PKD2: variants seen among roughly 807,000 people sequenced by gnomAD.
The protein encoded by PKD2 is polycystin 2, transient receptor potential cation channel, also known as polycystin-2.
PKD2 carries 48 observed loss-of-function variants against 105.9 expected under a neutral mutation model. The ratio of observed to expected loss-of-function variants is 0.45; its 90% confidence interval spans 0.36 to 0.58. PKD2 has a LOEUF of 0.58. Ranked by LOEUF, PKD2 falls within the 20% of genes least tolerant of loss-of-function variation. The pLI is 0.00. For synonymous variants in PKD2, 464 were observed against 481.1 expected (o/e 0.96, Z 0.46); for missense variants, 1,078 against 1,255.3 (o/e 0.86, Z 2.13).
At chr4:88,014,239 G>A (rs1726485367) in intron 1 of PKD2, among the ~76,000 whole-genome samples, 3 of 152,250 alleles carry the variant, frequency 2.0e-5, no homozygotes. Flanking sequence ...GAGATTTCCA[G>A]AGAAAGAAAA....
At chr4:88,055,058 G>A (rs1392436427) in intron 7 of PKD2, among the ~76,000 whole-genome samples, 3 of 152,166 alleles carry the variant, frequency 2.0e-5, no homozygotes, top group Non-Finnish European at 2.9e-5. Context: ...CTACCAACAT[G>A]CTCAATATGG....
chr4:88,065,723 A>C (rs771789232), intron 11 of PKD2, 39 bp from the exon 12 acceptor site: 1 of 1,454,092 alleles, frequency 6.9e-7, no homozygotes, highest in African/African-American at 1.4e-5. Flanking sequence ...AACTGGGTAC[A>C]AGGAATGATT....
In PKD2 at chr4:88,038,393, G is replaced by T. The variant is rs1388722678; in HGVS notation, c.986G>T (p.Gly329Val). The change falls in exon 4 of 15, where the codon GGA becomes GTA. Residue 329 changes from glycine to valine, a missense_variant. Physicochemically the swap from Gly to Val is moderately radical, Grantham distance 109. Around this residue, in one of 2 missense-constraint regions of PKD2, gnomAD observed 868 missense variants for 1,067.3 expected, o/e 0.81. Coordinates refer to ENST00000237596, the MANE Select transcript of PKD2 (RefSeq NM_000297.4). ...ATACGGCAACTCCGAGTCAGAAATG[G>T]ATCCTGCTCTATCCCCCAGGACTTG... The part of the protein sequence containing the change: ...PRIRQLRVRN[G>V]SCSIPQDLRD... The T allele has an allele frequency of 6.2e-7, 1 of 1,613,804 alleles. No homozygotes were observed.
In PKD2 at chr4:88,036,211, G is replaced by C. The variant is rs369274147; in HGVS notation, c.710-9G>C. The C allele has an allele frequency of 6.2e-7, 1 of 1,613,774 alleles. No homozygotes were observed. Among genetic ancestry groups the C allele is most frequent in the African/African-American group, 1.3e-5 (1 of 75,012 alleles). ...TTGGGGCGTTCATTTGGATCTTTCT[G>C]TGTTCCAGTGACCTACGGCATGATG... On this transcript the variant is annotated splice_polypyrimidine_tract_variant and intron_variant, in intron 2 of 14. Transcript: ENST00000237596.
intron 6 of PKD2, among the ~76,000 whole-genome samples, chr4:88,051,062 A>G (rs1169268232): frequency 1.3e-5 from 2 of 152,204 alleles, no homozygotes; most frequent in Admixed American, 6.5e-5. Flanking sequence ...TGTTATGACT[A>G]ACCCCTAGCA....
At chr4:88,074,440 C>G (rs542262622) in intron 13 of PKD2, among the ~76,000 whole-genome samples, 1 of 152,284 alleles carries the variant, frequency 6.6e-6, no homozygotes, top group Non-Finnish European at 1.5e-5. Context: ...GCCCTACCCC[C>G]CCATCAATTG....
chr4:88,015,895 G>T (rs991149586), intron 1 of PKD2, among the ~76,000 whole-genome samples: 2 of 152,164 alleles, frequency 1.3e-5, no homozygotes, highest in Admixed American at 6.5e-5. Flanking sequence ...GTTTAGATCA[G>T]CAGTCCCCAA....
chr4:88,020,295 A>G (rs1726703570), intron 2 of PKD2, among the ~76,000 whole-genome samples: 1 of 152,358 alleles, frequency 6.6e-6, no homozygotes, highest in Non-Finnish European at 1.5e-5. Context: ...TGGCGTATAC[A>G]TGTAATATCC....
chr4:88,010,804 C>T (rs1300514860), intron 1 of PKD2, among the ~76,000 whole-genome samples: 1 of 152,176 alleles, frequency 6.6e-6, no homozygotes, highest in Non-Finnish European at 1.5e-5. Flanking sequence ...AACAAATGGT[C>T]GATTTTGCTC....
intron 4 of PKD2, among the ~76,000 whole-genome samples, chr4:88,040,856 C>A (rs1727535201): frequency 6.6e-6 from 1 of 152,130 alleles, no homozygotes; most frequent in Non-Finnish European, 1.5e-5. Flanking sequence ...TTCTCTCTTT[C>A]CCATGACATT....
At chr4:88,026,400 A>G (rs917535964) in intron 2 of PKD2, among the ~76,000 whole-genome samples, 8 of 152,228 alleles carry the variant, frequency 5.3e-5, no homozygotes, top group Non-Finnish European at 7.3e-5. Flanking sequence ...AGTATCTGGC[A>G]GAAGATATTT....
At chr4:88,018,602 G>A (rs977627013) in intron 1 of PKD2, among the ~76,000 whole-genome samples, 1 of 152,200 alleles carries the variant, frequency 6.6e-6, no homozygotes, top group Non-Finnish European at 1.5e-5. Flanking sequence ...TTACCACACT[G>A]TTCATTAACG....
chr4:88,064,787 G>A (rs1327209431), intron 10 of PKD2, among the ~76,000 whole-genome samples: 1 of 152,036 alleles, frequency 6.6e-6, no homozygotes, highest in Non-Finnish European at 1.5e-5. Flanking sequence ...CTACTTGTTG[G>A]GGGCTGAGTT....
At chr4:88,041,166 C>T (rs561582218) in intron 4 of PKD2, among the ~76,000 whole-genome samples, 1 of 152,306 alleles carries the variant, frequency 6.6e-6, no homozygotes, top group East Asian at 1.9e-4. Context: ...CTGCCGTCTT[C>T]CTATTGCCCT....
chr4:88,035,955 C>T (rs1011379947), intron 2 of PKD2: 2 of 486,892 alleles, frequency 4.1e-6, no homozygotes, highest in Non-Finnish European at 7.6e-6. Context: ...AGTAAACGTT[C>T]CTGATCTTAC....
At chr4:88,011,326 CT>C (rs559421962) in intron 1 of PKD2, among the ~76,000 whole-genome samples, 372 of 140,064 alleles carry the variant, frequency 2.7e-3, no homozygotes, top group African/African-American at 4.3e-3. Flanking sequence ...TATTCTTGGG[CT>C]TTTTTTTTTT....
intron 1 of PKD2, among the ~76,000 whole-genome samples, chr4:88,009,136 A>C (rs911975779): frequency 6.6e-6 from 1 of 152,246 alleles, no homozygotes; most frequent in Non-Finnish European, 1.5e-5. Flanking sequence ...TACAAAAGGC[A>C]GAAGAGGAAT....
At chr4:88,058,151 T>A in intron 9 of PKD2, 48 bp downstream of exon 9, 1 of 1,159,166 alleles carries the variant, frequency 8.6e-7, no homozygotes. Context: ...ACTTCGTAAA[T>A]CCTTGTCTTC....
chr4:88,033,966 G>A (rs1727246019), intron 2 of PKD2, among the ~76,000 whole-genome samples: 1 of 152,144 alleles, frequency 6.6e-6, no homozygotes, highest in Non-Finnish European at 1.5e-5. Flanking sequence ...TGTGGGAGTT[G>A]GCTAGGCAGC....
Sources: allele counts gnomAD v4.1 joint callset (sites outside exome capture counted in the v4.1 genomes callset), GRCh38; gene constraint gnomAD v4.1.1; regional missense constraint gnomAD v4.1.1; transcripts MANE v1.5; gene names NCBI Gene and HGNC (gene_info 2026-07-23, HGNC 2026-07-21).